NAV3: variants seen among roughly 807,000 people sequenced by gnomAD.
NAV3 encodes pore membrane and/or filament interacting like protein 1.
In NAV3, 87 loss-of-function variants were observed where a neutral mutation model predicts 244.7. That is an observed-to-expected ratio of 0.36 (90% confidence interval 0.30 to 0.42). The LOEUF (loss-of-function observed/expected upper bound fraction) is 0.42. NAV3 is among the 20% of genes least tolerant of loss of function. NAV3 has a pLI of 1.00. For synonymous variants in NAV3, 1,126 were observed against 1,042.2 expected (o/e 1.08, Z -1.55); for missense variants, 2,663 against 2,893.3 (o/e 0.92, Z 1.83).
intron 18 of NAV3, among the ~76,000 whole-genome samples, chr12:78,136,749 A>G (rs1956389801): frequency 6.6e-6 from 1 of 152,190 alleles, no homozygotes; most frequent in African/African-American, 2.4e-5. Flanking sequence ...AAGCATTTAA[A>G]GCCCTTCTTG....
chr12:77,838,346 G>T (rs1875023504), intron 1 of NAV3, among the ~76,000 whole-genome samples: 1 of 152,052 alleles, frequency 6.6e-6, no homozygotes, highest in Non-Finnish European at 1.5e-5. Context: ...GTAGAAATGT[G>T]GCCATCAGTA....
chr12:78,168,821 G>A lies in NAV3; in HGVS notation c.4936G>A (p.Ala1646Thr). ...MLKAQNSAAQ[A>T]AIQGALNGPD... is the part of the protein sequence containing the mutation. ...GAAGGCTCAGAATTCTGCTGCCCAG[G>A]CGGCTATTCAGGGAGCACTGAATGG... The change falls in exon 24 of 40, where the codon GCG becomes ACG. Residue 1646 changes from alanine to threonine, a missense_variant. Around this residue, in one of 6 missense-constraint regions of NAV3, gnomAD observed 193 missense variants for 200.7 expected, o/e 0.96. Coordinates refer to ENST00000397909, the MANE Select transcript of NAV3 (RefSeq NM_001024383.2). The A allele has an allele frequency of 1.2e-6, 2 of 1,610,690 alleles. No individual in the cohort carries two copies. The highest frequency in any genetic ancestry group is 1.7e-6 in the Non-Finnish European group (2 of 1,177,808).
rs116153199 is a variant in NAV3 at position 77,853,280 on chromosome 12, C to T, written c.243+21576C>T. On this transcript the variant is annotated intron_variant, in intron 1 of 39. Transcript: ENST00000397909. The stretch of plus-strand genomic sequence containing the variant: ...TTTAACTGGCCATTTGGATATCTTC[C>T]GTTGTGTTCATTCAGGTTTTCTGCT... Among the ~76,000 whole-genome samples, 461 of 152,250 alleles carry T rather than the reference C, an allele frequency of 3.0e-3. 1 individual carries two copies. Among genetic ancestry groups the T allele is most frequent in the African/African-American group, 0.011 (440 of 41,550 alleles).
At chr12:77,634,682 C>T (rs1872076000) in intron 2 of NAV3, among the ~76,000 whole-genome samples, 1 of 151,926 alleles carries the variant, frequency 6.6e-6, no homozygotes, top group Non-Finnish European at 1.5e-5. Context: ...TATATCTGTG[C>T]ATATTAATGA....
At chr12:78,033,140 C>T (rs1455222707) in intron 9 of NAV3, among the ~76,000 whole-genome samples, 1 of 151,860 alleles carries the variant, frequency 6.6e-6, no homozygotes, top group Admixed American at 6.6e-5. Flanking sequence ...GAAGGATAAG[C>T]GAATGGTTAC....
In NAV3 at chr12:78,006,959, A is replaced by G. The variant is rs766325464; in HGVS notation, c.1421A>G (p.Asp474Gly). The change falls in exon 8 of 40, where the codon GAC (aspartate) becomes GGC (glycine). Residue 474 changes from aspartate to glycine, a missense_variant. By Grantham distance (94) the Asp-to-Gly change is moderately conservative. Transcript: ENST00000397909. ...QPKEKEEKNR[D>G]KNKVCTEKPV... ...AAGGAAAAAGAAGAAAAGAACAGGG[A>G]CAAAAATAAAGTTTGCACTGAAAAA... The G allele has an allele frequency of 8.1e-6, 13 of 1,613,910 alleles. No homozygotes were observed. The South Asian group carries it at 1.2e-4, about 15-fold the overall frequency.
At chr12:77,750,345 T>G (rs912316414) in intron 2 of NAV3, among the ~76,000 whole-genome samples, 28 of 151,982 alleles carry the variant, frequency 1.8e-4, no homozygotes, top group African/African-American at 6.8e-4. Flanking sequence ...AGAGCAAGAC[T>G]CCATCTCAAA....
chr12:78,197,405 T>C lies in NAV3; in HGVS notation c.6446+4T>C, dbSNP rs555234660. Reference sequence around the variant, plus strand: ...TCAATTGTAAATACAACAAATGGTATGCTTATCAAATATTCTGAATAATGA... The same window carrying C: ...TCAATTGTAAATACAACAAATGGTACGCTTATCAAATATTCTGAATAATGA... On this transcript the variant is annotated splice_donor_region_variant and intron_variant, in intron 35 of 39. Transcript: ENST00000397909. 1 of 1,584,384 alleles carries C rather than the reference T, an allele frequency of 6.3e-7. No homozygotes were observed. Among genetic ancestry groups the C allele is most frequent in the Non-Finnish European group, 8.6e-7 (1 of 1,163,136 alleles).
At chr12:78,124,712 C>T (rs1955831954) in intron 16 of NAV3, among the ~76,000 whole-genome samples, 1 of 152,050 alleles carries the variant, frequency 6.6e-6, no homozygotes, top group Non-Finnish European at 1.5e-5. Context: ...CCTTGGCCTC[C>T]CAAAGTGTGG....
In NAV3 at chr12:77,627,225, G is replaced by A. The variant is rs139853314; in HGVS notation, c.72+54959G>A. On this transcript the variant is annotated intron_variant, in intron 2 of 8. Transcript: ENST00000550042. ...TTTCACACAAATGGAAAACAAAAGC[G>A]TGCAGGAACAACTATAGTTACATCA... is the stretch of plus-strand genomic sequence containing the variant. Among the ~76,000 whole-genome samples the A allele has an allele frequency of 3.1e-3, 478 of 152,140 alleles. 1 individual carries two copies. The highest frequency in any genetic ancestry group is 0.011 in the African/African-American group (443 of 41,508).
intron 2 of NAV3, among the ~76,000 whole-genome samples, chr12:77,749,704 A>G (rs1169578248): frequency 6.6e-6 from 1 of 152,202 alleles, no homozygotes; most frequent in Non-Finnish European, 1.5e-5. Context: ...ATAGCAATAC[A>G]GTAAAGATCA....
rs2138697467 is a variant in NAV3 at position 78,122,258 on chromosome 12, C to T, written c.4068C>T (p.Gly1356=). Residue 1356 remains glycine (G), a synonymous_variant, in exon 16 of 40, where the codon GGC becomes GGT. Transcript: ENST00000397909. The stretch of plus-strand genomic sequence containing the variant: ...CCAATATGAGCAGTTCCTCTGCAGG[C>T]AGCAAGGATACTCCGAGCTACCAGT... ...WAANMSSSSA[G]SKDTPSYQSM... is the part of the protein sequence containing the mutation. 1 of 1,614,164 alleles carries T rather than the reference C, an allele frequency of 6.2e-7. No homozygotes were observed. The highest frequency in any genetic ancestry group is 2.2e-5 in the East Asian group (1 of 44,864).
intron 1 of NAV3, among the ~76,000 whole-genome samples, chr12:77,883,461 G>A (rs1375492858): frequency 6.6e-6 from 1 of 151,944 alleles, no homozygotes; most frequent in Non-Finnish European, 1.5e-5. Context: ...AAAGAGGAGG[G>A]CAAGGGCTGA....
At position 77,762,444 on chromosome 12, in the gene NAV3, C is replaced by CA. The variant is rs113934502; in HGVS notation, c.73-177866dup. Among the ~76,000 whole-genome samples, 769 of 150,750 alleles carry CA rather than the reference C, an allele frequency of 5.1e-3. 8 individuals are homozygous for CA. The highest frequency in any genetic ancestry group is 0.017 in the Middle Eastern group (5 of 288). ...AAGTACAATAAAAAATAAAAAAATA[C>CA]AAAAAAAAATTAGCCAGGCATGTTG... On this transcript the variant is annotated intron_variant, in intron 2 of 8. Transcript: ENST00000550042.
intron 3 of NAV3, among the ~76,000 whole-genome samples, chr12:77,945,727 G>C (rs1035052808): frequency 6.6e-6 from 1 of 151,720 alleles, no homozygotes; most frequent in African/African-American, 2.4e-5. Context: ...TTTTCTAATG[G>C]TTTAATGGTT....
intron 26 of NAV3, among the ~76,000 whole-genome samples, chr12:78,176,843 T>C (rs574718161): frequency 2.0e-5 from 3 of 152,234 alleles, no homozygotes; most frequent in South Asian, 4.1e-4. Context: ...GCATTGGGAA[T>C]GGAGATCCCT....
chr12:77,826,262 C>T (rs1592716419), upstream of NAV3, among the ~76,000 whole-genome samples: 1 of 152,164 alleles, frequency 6.6e-6, no homozygotes, highest in African/African-American at 2.4e-5. Flanking sequence ...AATCCCAGTA[C>T]GTTGGGAGGC....
chr12:78,088,471 C>T (rs1389103116), intron 12 of NAV3, among the ~76,000 whole-genome samples: 2 of 152,076 alleles, frequency 1.3e-5, no homozygotes, highest in Non-Finnish European at 2.9e-5. Flanking sequence ...TTTTTCCTTT[C>T]ACTTTCACCT....
chr12:77,576,083 A>G (rs1359994353), intron 2 of NAV3, among the ~76,000 whole-genome samples: 1 of 152,074 alleles, frequency 6.6e-6, no homozygotes, highest in Admixed American at 6.6e-5. Context: ...CCTTGCCATG[A>G]AAAAGCTCAC....
Sources: allele counts gnomAD v4.1 joint callset (sites outside exome capture counted in the v4.1 genomes callset), GRCh38; gene constraint gnomAD v4.1.1; regional missense constraint gnomAD v4.1.1; transcripts MANE v1.5; gene names NCBI Gene and HGNC (gene_info 2026-07-23, HGNC 2026-07-21).